Variants in PIEZO1 observed in about 807,000 individuals in gnomAD.
The protein encoded by PIEZO1 is piezo type mechanosensitive ion channel component 1 (Er blood group), also known as piezo-type mechanosensitive ion channel component 1.
Under a neutral mutation model 297.2 loss-of-function variants are expected in PIEZO1, and 296 were observed. The ratio of observed to expected loss-of-function variants is 1.00; its 90% CI spans 0.91 to 1.10. The LOEUF (loss-of-function observed/expected upper bound fraction) is 1.10. PIEZO1 is among the 50% of genes least tolerant of loss of function. PIEZO1 has a pLI of 0.00. For missense variants in PIEZO1, 5,018 were observed against 3,455.5 expected, an observed-to-expected ratio of 1.45 and a Z score of -11.34; for synonymous variants, 2,427 against 1,507.5, an observed-to-expected ratio of 1.61 and a Z score of -14.13.
chr16:88,757,515 C>G (rs554107140), intron 1 of PIEZO1, among the ~76,000 whole-genome samples: 1 of 131,394 alleles, frequency 7.6e-6, no homozygotes, highest in East Asian at 2.3e-4. Flanking sequence ...GGGGCCAAGA[C>G]GGGGGAAAGA....
rs917012611 is a variant in PIEZO1 at position 88,721,955 on chromosome 16, C to T, written c.5067G>A (p.Leu1689=). The change falls in exon 37 of 51, where the codon CTG becomes CTA. Residue 1689 remains leucine, a synonymous_variant. Transcript: ENST00000301015. ...TGAGGATGATGATGAAGTAGCAGAG[C>T]AGCTCCGAGTGGGCGGCCACACACT... ...VYQCVAAHSE[L]LCYFIIILNH... 8.4e-6 allele frequency: 13 copies of T among 1,550,140 alleles called. No homozygotes were observed. Among genetic ancestry groups the T allele is most frequent in the East Asian group, 4.9e-5 (2 of 40,916 alleles).
chr16:88,774,398 A>G (rs1274547398), intron 1 of PIEZO1, among the ~76,000 whole-genome samples: 1 of 152,238 alleles, frequency 6.6e-6, no homozygotes, highest in Non-Finnish European at 1.5e-5. Context: ...CTCGATAAGT[A>G]AATAAATAAA....
At position 88,735,040 on chromosome 16, in the gene PIEZO1, C is replaced by T. The variant is rs374886774; in HGVS notation, c.1683G>A (p.Thr561=). 263 of 1,550,400 alleles carry T rather than the reference C, an allele frequency of 1.7e-4. 1 individual carries two copies. Among genetic ancestry groups the T allele is most frequent in the South Asian group, 6.9e-4 (58 of 84,070 alleles). ...VTVADTEPTR[T]QTLLQSLGEL... ...CCCCCAGGCTCTGCAACAGCGTCTGCGTCCGCGTGGGCTCTGTGGGCCAAG... is the reference window on the plus strand; with the variant it reads ...CCCCCAGGCTCTGCAACAGCGTCTGTGTCCGCGTGGGCTCTGTGGGCCAAG... Residue 561 remains threonine, a synonymous_variant, in exon 14 of 51, where the codon ACG becomes ACA. Coordinates refer to ENST00000301015, the MANE Select transcript of PIEZO1 (RefSeq NM_001142864.4).
rs144618730 is a variant in PIEZO1 at position 88,725,555 on chromosome 16, G to T, written c.4059-36C>A. The T allele has an allele frequency of 1.4e-3, 2,163 of 1,531,308 alleles. 27 individuals are homozygous for T. In the African/African-American group the frequency reaches 0.026, roughly 18 times the overall value. The allele number at this position is 1,531,308 out of a possible 1,614,324, so 94.9% of individuals were successfully genotyped here. A position where few individuals can be genotyped will look rare whatever the true frequency, so the allele number is the denominator to read the frequency against. On this transcript the variant is annotated intron_variant, in intron 28 of 50. Transcript: ENST00000301015. ...GAAAGGTGGGGTATGCTGAGCATTG[G>T]GGGGAGGAGCCGGGGAGTCCCCGCC...
At chr16:88,745,083 C>T (rs1218841746) in intron 2 of PIEZO1, 1 of 151,618 alleles carries the variant, frequency 6.6e-6, no homozygotes, top group Non-Finnish European at 1.5e-5. Flanking sequence ...CACTCTCCCC[C>T]TGCAGGTCCC....
In PIEZO1 at chr16:88,742,438, TG is replaced by T. The variant is rs1905744438; in HGVS notation, c.161-17del. 1 of 1,533,216 alleles carries T rather than the reference TG, an allele frequency of 6.5e-7. No individual in the cohort carries two copies. Among genetic ancestry groups the T allele is most frequent in the South Asian group, 1.2e-5 (1 of 83,922 alleles). 95.0% of individuals were successfully genotyped at this position (1,533,216 alleles called of 1,614,324 possible). A position where few individuals can be genotyped will look rare whatever the true frequency, so the allele number is the denominator to read the frequency against. Reference sequence around the variant, plus strand: ...CCTGTGTGACCTGCGGCAGAGCGAGTGGGTGAGGCTGGTCCCGGGGACGGGG... The same window carrying T: ...CCTGTGTGACCTGCGGCAGAGCGAGTGGTGAGGCTGGTCCCGGGGACGGGG... On this transcript the variant is annotated splice_polypyrimidine_tract_variant and intron_variant, in intron 2 of 50. Transcript: ENST00000301015.
intron 1 of PIEZO1, among the ~76,000 whole-genome samples, chr16:88,766,331 C>T (rs1031309400): frequency 2.0e-5 from 3 of 152,156 alleles, no homozygotes; most frequent in Non-Finnish European, 4.4e-5. Flanking sequence ...AGCCTGGACT[C>T]GAGACTGCAA....
chr16:88,764,387 C>T (rs1417797407), intron 1 of PIEZO1, among the ~76,000 whole-genome samples: 2 of 152,170 alleles, frequency 1.3e-5, no homozygotes, highest in Non-Finnish European at 2.9e-5. Flanking sequence ...TTCATCCAAA[C>T]CCAGGCGCCA....
chr16:88,723,938 G>A lies in PIEZO1; in HGVS notation c.4268C>T (p.Ser1423Phe). 2 of 1,549,520 alleles carry A rather than the reference G, an allele frequency of 1.3e-6. No individual in the cohort carries two copies. The highest frequency in any genetic ancestry group is 1.7e-6 in the Non-Finnish European group (2 of 1,146,060). ...AGCCTCCTCCTCTTCCTCACTGTCG[G>A]ACTCAAACAGGAAGTAGTCCCCGGA... ...IHSGDYFLFE[S>F]DSEEEEEAVP... Residue 1423 changes from serine (S) to phenylalanine (F), a missense_variant, in exon 31 of 51, where the codon TCC becomes TTC. Physicochemically the swap from Ser to Phe is radical, Grantham distance 155 (BLOSUM62 -2). Transcript: ENST00000301015.
At position 88,716,598 on chromosome 16, in the gene PIEZO1, G is replaced by A. The variant is rs554886303; in HGVS notation, c.6887C>T (p.Thr2296Met). 4.5e-5 allele frequency: 69 copies of A among 1,548,596 alleles called. No individual in the cohort carries two copies. The highest frequency in any genetic ancestry group is 2.0e-4 in the East Asian group (8 of 40,874). ...AQMKRELYNG[T>M]ADITLRFTWN... Reference sequence around the variant, plus strand: ...GGTGAAGCGCAGGGTGATGTCGGCCGTGCCGTTGTAGAGCTCCCGCTTCAT... The same window carrying A: ...GGTGAAGCGCAGGGTGATGTCGGCCATGCCGTTGTAGAGCTCCCGCTTCAT... Residue 2296 changes from threonine to methionine, a missense_variant, in exon 47 of 51, where the codon ACG (threonine) becomes ATG (methionine). By Grantham distance (81) the Thr-to-Met change is moderately conservative. Coordinates refer to ENST00000301015, the MANE Select transcript of PIEZO1 (RefSeq NM_001142864.4).
chr16:88,716,303 G>C (rs1912024461), intron 48 of PIEZO1, 26 bp from the exon 49 acceptor site: 1 of 1,495,274 alleles, frequency 6.7e-7, no homozygotes. Flanking sequence ...GGCAGGTCAG[G>C]CCTGGCCCAG....
intron 1 of PIEZO1, among the ~76,000 whole-genome samples, chr16:88,767,343 G>A (rs1907224488): frequency 1.3e-5 from 2 of 152,182 alleles, no homozygotes; most frequent in African/African-American, 4.8e-5. Flanking sequence ...AGGGGGCTGT[G>A]CTGGGAGAGC....
At chr16:88,756,953 G>A (rs930910090) in intron 1 of PIEZO1, among the ~76,000 whole-genome samples, 18 of 152,048 alleles carry the variant, frequency 1.2e-4, no homozygotes, top group East Asian at 1.9e-4. Flanking sequence ...GCGGGCACCT[G>A]TAGTCCCAGC....
chr16:88,751,080 C>T (rs1906365620), intron 1 of PIEZO1, among the ~76,000 whole-genome samples: 1 of 152,176 alleles, frequency 6.6e-6, no homozygotes, highest in Admixed American at 6.5e-5. Flanking sequence ...TCCTTGGTGC[C>T]AAAGGAGCCC....
intron 1 of PIEZO1, among the ~76,000 whole-genome samples, chr16:88,757,333 G>GGGGGT (rs1906723830): frequency 2.4e-4 from 29 of 119,662 alleles, no homozygotes; most frequent in Non-Finnish European, 3.3e-4. Context: ...GGGGTGGGGG[G>GGGGGT]TAGTTACCTA....
rs954500832 is a variant in PIEZO1 at position 88,734,817 on chromosome 16, G to C, written c.1849-19C>G. The C allele has an allele frequency of 4.5e-6, 7 of 1,550,156 alleles. No individual in the cohort carries two copies. Among genetic ancestry groups the C allele is most frequent in the Middle Eastern group, 1.7e-4 (1 of 6,014 alleles). On this transcript the variant is annotated intron_variant, in intron 14 of 50. Transcript: ENST00000301015. ...AGTAGACCTGCCGGGTGAGGTGGGG[G>C]TGGTGAGGACCGCGGGGAGGGTCCG...
chr16:88,723,425 C>G, intron 31 of PIEZO1, 97 bp from the exon 32 acceptor site: 1 of 1,379,246 alleles, frequency 7.3e-7, no homozygotes, highest in African/African-American at 1.4e-5. Flanking sequence ...ATCCAGATCC[C>G]TGCTCTGTGT....
rs750141958 is a variant in PIEZO1 at position 88,722,245 on chromosome 16, C to A, written c.4928G>T (p.Arg1643Leu). The change falls in exon 36 of 51, where the codon CGG becomes CTG. Residue 1643 changes from arginine (R) to leucine (L), a missense_variant. Transcript: ENST00000301015. Reference protein sequence around the residue: ...AGASLYQGLMRTASELLLDRR... With the variant: ...AGASLYQGLMLTASELLLDRR... ...GTCCAGGAGCAGCTCGCTGGCCGTC[C>A]GCATCAGTCCCTGGTACAGAGAGGC... 2 of 1,547,840 alleles carry A rather than the reference C, an allele frequency of 1.3e-6. No individual in the cohort carries two copies. Among genetic ancestry groups the A allele is most frequent in the Non-Finnish European group, 1.7e-6 (2 of 1,146,794 alleles).
At chr16:88,738,132 T>G in intron 7 of PIEZO1, 27 bp from the exon 8 acceptor site, 1 of 1,535,538 alleles carries the variant, frequency 6.5e-7, no homozygotes, top group Non-Finnish European at 8.7e-7. Context: ...CGTCACAGCC[T>G]ACCACCCCAG....
Sources: gnomAD v4.1 joint callset for allele counts (sites outside exome capture counted in the v4.1 genomes callset) on GRCh38, gnomAD v4.1.1 for gene constraint, MANE v1.5 for transcripts, NCBI Gene and HGNC (gene_info 2026-07-23, HGNC 2026-07-21) for gene names.